Variants in AXDND1 observed in about 807,000 individuals in gnomAD.
The protein encoded by AXDND1 is axonemal dynein light chain domain-containing protein 1.
Under a neutral mutation model 137.5 loss-of-function variants are expected in AXDND1, and 110 were observed. That is an observed-to-expected ratio of 0.80 (90% CI 0.69 to 0.94). The LOEUF (loss-of-function observed/expected upper bound fraction) is 0.94, where lower values mean the gene tolerates loss of function less well. AXDND1 is among the 40% of genes least tolerant of loss of function. The probability of loss-of-function intolerance (pLI) is 0.00; values close to 1 mark genes in which losing one functional copy is unlikely to be tolerated. For missense variants in AXDND1, 1,191 were observed against 1,169.8 expected, an observed-to-expected ratio of 1.02 and a Z score of -0.26; for synonymous variants, 414 against 399.7, an observed-to-expected ratio of 1.04 and a Z score of -0.43.
At chr1:179,528,123 A>G (rs140698174) in intron 22 of AXDND1, among the ~76,000 whole-genome samples, 26 of 152,224 alleles carry the variant, frequency 1.7e-4, no homozygotes, top group Middle Eastern at 3.4e-3. Flanking sequence ...TCCCATAGTT[A>G]TATCCCCTTG....
intron 11 of AXDND1, among the ~76,000 whole-genome samples, chr1:179,400,600 T>TA (rs71111986): frequency 0.37 from 50,510 of 138,116 alleles, 9,016 homozygotes; most frequent in Middle Eastern, 0.46. Flanking sequence ...AGGGAAGAAA[T>TA]AAAAAAAAAA....
chr1:179,367,091 C>G (rs940592874), intron 2 of AXDND1, among the ~76,000 whole-genome samples: 1 of 152,072 alleles, frequency 6.6e-6, no homozygotes, highest in Non-Finnish European at 1.5e-5. Context: ...CATGGTGGCT[C>G]GCGCCTGTAG....
At chr1:179,488,032 G>A (rs1266921406) in intron 18 of AXDND1, among the ~76,000 whole-genome samples, 7 of 115,280 alleles carry the variant, frequency 6.1e-5, no homozygotes, top group Admixed American at 3.6e-4. Flanking sequence ...TTTCAATTCC[G>A]TCAATCAGTT....
At position 179,411,337 on chromosome 1, in the gene AXDND1, G is replaced by GT. The variant is rs5779024; in HGVS notation, c.1230+79dup. ...GATTCATTCTACAGTTTTAAAATTT[G>GT]TTTTTTTTGTTTTGTTTTGTTTTGA... On this transcript the variant is annotated intron_variant, in intron 12 of 25. Transcript: ENST00000367618. 662 of 1,553,764 alleles carry GT rather than the reference G, an allele frequency of 4.3e-4. 1 individual carries two copies. Among genetic ancestry groups the GT allele is most frequent in the South Asian group, 3.8e-3 (313 of 83,044 alleles).
At chr1:179,499,406 A>G (rs890310305) in intron 20 of AXDND1, among the ~76,000 whole-genome samples, 1 of 152,120 alleles carries the variant, frequency 6.6e-6, no homozygotes, top group African/African-American at 2.4e-5. Flanking sequence ...GTATTATTTT[A>G]TTCACGTAAA....
intron 6 of AXDND1, among the ~76,000 whole-genome samples, chr1:179,380,393 CTTTG>C (rs1648068123): frequency 6.6e-6 from 1 of 151,938 alleles, no homozygotes; most frequent in Non-Finnish European, 1.5e-5. Flanking sequence ...AAAAATGGAA[CTTTG>C]TTTGAATGTG....
At chr1:179,448,069 A>G (rs919724119) in intron 16 of AXDND1, 3 of 1,111,644 alleles carry the variant, frequency 2.7e-6, no homozygotes, top group African/African-American at 3.1e-5. Flanking sequence ...ACCAGGTGCA[A>G]TGTTATGATT....
chr1:179,470,879 T>C (rs1447441302), intron 17 of AXDND1, among the ~76,000 whole-genome samples: 2 of 152,186 alleles, frequency 1.3e-5, no homozygotes, highest in African/African-American at 4.8e-5. Flanking sequence ...ATGTTATTTG[T>C]GGGTGTTTCC....
At chr1:179,391,459 C>T (rs1650189870) in intron 9 of AXDND1, among the ~76,000 whole-genome samples, 1 of 151,908 alleles carries the variant, frequency 6.6e-6, no homozygotes, top group African/African-American at 2.4e-5. Flanking sequence ...AGGGCCGTTT[C>T]CCTCATTCTG....
At chr1:179,496,827 C>G (rs1054243580) in intron 20 of AXDND1, among the ~76,000 whole-genome samples, 3 of 152,042 alleles carry the variant, frequency 2.0e-5, no homozygotes, top group Middle Eastern at 3.4e-3. Flanking sequence ...TCCCCCATAC[C>G]CCCGTAGGCA....
intron 18 of AXDND1, among the ~76,000 whole-genome samples, chr1:179,488,157 A>G (rs1666301971): frequency 6.8e-6 from 1 of 147,928 alleles, no homozygotes; most frequent in South Asian, 2.1e-4. Flanking sequence ...ATATTTTAAC[A>G]AAGTGTTCCC....
intron 25 of AXDND1, among the ~76,000 whole-genome samples, chr1:179,547,815 C>A (rs1572239384): frequency 6.6e-6 from 1 of 152,084 alleles, no homozygotes; most frequent in Non-Finnish European, 1.5e-5. Context: ...TACCCCCTAC[C>A]CAGAAGTCTG....
intron 15 of AXDND1, among the ~76,000 whole-genome samples, chr1:179,435,271 A>G (rs955348895): frequency 1.3e-5 from 2 of 152,214 alleles, no homozygotes; most frequent in Non-Finnish European, 2.9e-5. Flanking sequence ...TACTGCCCAA[A>G]GTAATTTATA....
chr1:179,475,829 T>A (rs4457527), intron 17 of AXDND1, among the ~76,000 whole-genome samples: 48,401 of 152,110 alleles, frequency 0.32, 8,321 homozygotes, highest in Middle Eastern at 0.43. Context: ...TCTGTTTCCC[T>A]ACCCAAATCT....
chr1:179,370,367 C>G (rs1403799459), intron 4 of AXDND1, among the ~76,000 whole-genome samples: 1 of 152,080 alleles, frequency 6.6e-6, no homozygotes, highest in Non-Finnish European at 1.5e-5. Context: ...CCTGTTGTAC[C>G]CTAGTAAAAG....
chr1:179,377,973 A>G (rs1571544654), intron 4 of AXDND1, among the ~76,000 whole-genome samples: 2 of 152,268 alleles, frequency 1.3e-5, no homozygotes, highest in Non-Finnish European at 2.9e-5. Context: ...GTTTGAGACC[A>G]GCGTGGCCAA....
chr1:179,536,363 T>C (rs545910088), intron 25 of AXDND1, among the ~76,000 whole-genome samples: 30 of 152,360 alleles, frequency 2.0e-4, no homozygotes. Flanking sequence ...TTTAAGTCTT[T>C]AATCCATCTT....
intron 9 of AXDND1, among the ~76,000 whole-genome samples, chr1:179,393,066 T>A (rs1650448094): frequency 6.6e-6 from 1 of 152,126 alleles, no homozygotes; most frequent in South Asian, 2.1e-4. Flanking sequence ...TCTAGAAGAG[T>A]TTTTCTGATG....
intron 25 of AXDND1, among the ~76,000 whole-genome samples, chr1:179,536,483 G>T (rs1572203610): frequency 6.6e-6 from 1 of 152,282 alleles, no homozygotes; most frequent in African/African-American, 2.4e-5. Context: ...TTTCTCCATT[G>T]CTTGTTTTTG....
Sources: allele counts gnomAD v4.1 joint callset (sites outside exome capture counted in the v4.1 genomes callset), GRCh38; gene constraint gnomAD v4.1.1; transcripts MANE v1.5; gene names NCBI Gene and HGNC (gene_info 2026-07-23, HGNC 2026-07-21).